Variants in SGCZ observed in about 807,000 individuals in gnomAD.
SGCZ encodes zeta-sarcoglycan.
A neutral mutation model predicts 41.3 loss-of-function variants in SGCZ; 40 were observed. That is an observed-to-expected ratio of 0.97 (90% confidence interval 0.75 to 1.26). SGCZ has a LOEUF of 1.26. SGCZ is among the 50% of genes most tolerant of loss of function. The pLI is 0.00. For missense variants in SGCZ, 552 were observed against 369.8 expected, an observed-to-expected ratio of 1.49 and a Z score of -4.04; for synonymous variants, 206 against 137.5, an observed-to-expected ratio of 1.50 and a Z score of -3.49.
chr8:15,160,370 G>A (rs904432265), intron 1 of SGCZ, among the ~76,000 whole-genome samples: 3 of 152,142 alleles, frequency 2.0e-5, no homozygotes, highest in African/African-American at 7.2e-5. Flanking sequence ...CTACTCCGCT[G>A]TGTTTATCGA....
intron 1 of SGCZ, among the ~76,000 whole-genome samples, chr8:14,997,774 A>T (rs954902659): frequency 3.3e-5 from 5 of 152,162 alleles, no homozygotes; most frequent in African/African-American, 1.2e-4. Flanking sequence ...AGCCTGGTCA[A>T]CTTGGTGAAA....
rs1029384690 is a variant in SGCZ, at chr8:14,521,955, G to T, written c.234+32777C>A. Among the ~76,000 whole-genome samples the T allele has an allele frequency of 7.2e-5, 11 of 152,038 alleles. No individual in the cohort carries two copies. In the South Asian group the frequency reaches 2.3e-3, roughly 31 times the overall value. On this transcript the variant is annotated intron_variant, in intron 2 of 7. Coordinates refer to ENST00000382080, the MANE Select transcript of SGCZ (RefSeq NM_139167.4). ...CTCTCTATTACTCCTTTTCTGAGAG[G>T]CTTAATCATGGATGTGTGCAGAAAT... is the stretch of plus-strand genomic sequence containing the variant.
At chr8:14,661,430 T>A (rs2117483878) in intron 1 of SGCZ, among the ~76,000 whole-genome samples, 1 of 152,298 alleles carries the variant, frequency 6.6e-6, no homozygotes, top group East Asian at 1.9e-4. Flanking sequence ...AATTAAAATG[T>A]AACTTAAGGT....
At chr8:14,735,110 C>T (rs1387777120) in intron 1 of SGCZ, among the ~76,000 whole-genome samples, 1 of 152,120 alleles carries the variant, frequency 6.6e-6, no homozygotes, top group African/African-American at 2.4e-5. Flanking sequence ...GACGGTAGCA[C>T]ATAAAATTTT....
chr8:14,371,325 C>T (rs1585417223), intron 2 of SGCZ, among the ~76,000 whole-genome samples: 1 of 151,956 alleles, frequency 6.6e-6, no homozygotes, highest in Admixed American at 6.6e-5. Flanking sequence ...TTTGTGTATG[C>T]AAGCCAGTTC....
At chr8:14,219,806 C>T (rs887778741) in intron 4 of SGCZ, among the ~76,000 whole-genome samples, 2 of 151,576 alleles carry the variant, frequency 1.3e-5, no homozygotes, top group Admixed American at 6.6e-5. Flanking sequence ...ACCATATTCA[C>T]CTGACCTCTT....
rs1396245510 is a variant in SGCZ, at chr8:14,088,930, A to G, written c.*1513T>C. ...CATTAATCCCCAAAAGGAAGTTTCA[A>G]CACAAATGTTGATAGTGTGCATGAG... On this transcript the variant is annotated 3_prime_UTR_variant, in exon 8 of 8. Transcript: ENST00000382080. Among the ~76,000 whole-genome samples the G allele has an allele frequency of 1.3e-5, 2 of 151,958 alleles. No homozygotes were observed. Among genetic ancestry groups the G allele is most frequent in the Admixed American group, 6.6e-5 (1 of 15,226 alleles).
intron 1 of SGCZ, among the ~76,000 whole-genome samples, chr8:15,202,297 T>C (rs1334586649): frequency 2.0e-5 from 3 of 152,134 alleles, no homozygotes; most frequent in African/African-American, 4.8e-5. Flanking sequence ...AATAAAGAAA[T>C]GTGACAGAAT....
chr8:14,525,898 G>A (rs1349131465), intron 2 of SGCZ, among the ~76,000 whole-genome samples: 1 of 151,786 alleles, frequency 6.6e-6, no homozygotes. Context: ...ACGATGCAGA[G>A]TATTTTACTT....
intron 1 of SGCZ, among the ~76,000 whole-genome samples, chr8:15,057,932 G>A (rs1563474407): frequency 6.6e-6 from 1 of 152,158 alleles, no homozygotes; most frequent in Non-Finnish European, 1.5e-5. Flanking sequence ...TCTAGGTGGT[G>A]AAGATACTCT....
In SGCZ at chr8:14,807,379, A is replaced by C. The variant is rs535528312; in HGVS notation, c.40-252453T>G. On this transcript the variant is annotated intron_variant, in intron 1 of 7. Coordinates refer to ENST00000382080, the MANE Select transcript of SGCZ (RefSeq NM_139167.4). ...CTTAAGCTGATAAGCAACTTCAGCA[A>C]AGTCTCAGGACACAAAATCAATGAG... 8.3e-3 allele frequency among the ~76,000 whole-genome samples: 1,269 copies of C among 152,294 alleles called. 27 individuals are homozygous for C. Among genetic ancestry groups the C allele is most frequent in the African/African-American group, 0.029 (1,186 of 41,544 alleles).
chr8:14,576,498 C>G (rs7831506), intron 1 of SGCZ, among the ~76,000 whole-genome samples: 93,117 of 151,984 alleles, frequency 0.61, 30,375 homozygotes, highest in Non-Finnish European at 0.73. Flanking sequence ...TGAAATGAAA[C>G]ATTTTCTATT....
At chr8:15,075,732 C>T (rs1805505908) in intron 1 of SGCZ, among the ~76,000 whole-genome samples, 2 of 152,096 alleles carry the variant, frequency 1.3e-5, no homozygotes, top group Admixed American at 6.6e-5. Flanking sequence ...CACAAAATGC[C>T]TTTAGTATTA....
At chr8:14,118,225 C>T (rs1178166582) in intron 5 of SGCZ, among the ~76,000 whole-genome samples, 1 of 152,116 alleles carries the variant, frequency 6.6e-6, no homozygotes, top group Non-Finnish European at 1.5e-5. Context: ...TCCTATTTCT[C>T]CACATTCTCT....
chr8:15,109,851 T>C (rs184551172), intron 1 of SGCZ, among the ~76,000 whole-genome samples: 138 of 152,306 alleles, frequency 9.1e-4, no homozygotes, highest in Middle Eastern at 3.4e-3. Flanking sequence ...AGCATTATCA[T>C]TTATATGCTA....
intron 3 of SGCZ, among the ~76,000 whole-genome samples, chr8:14,254,083 A>G (rs1194213631): frequency 1.3e-5 from 2 of 152,178 alleles, no homozygotes; most frequent in Non-Finnish European, 2.9e-5. Flanking sequence ...TAAATTGGGC[A>G]CTAAAATCCA....
chr8:14,239,365 T>C lies in SGCZ; in HGVS notation c.337-1686A>G, dbSNP rs141266577. Among the ~76,000 whole-genome samples, 9 of 152,202 alleles carry C rather than the reference T, an allele frequency of 5.9e-5. No homozygotes were observed. The East Asian group carries it at 1.7e-3, about 29-fold the overall frequency. On this transcript the variant is annotated intron_variant, in intron 3 of 7. Transcript: ENST00000382080. Reference sequence around the variant, plus strand: ...AATTAAACACATTTGAATATTTGAATGTAAGAAACAGGAAAAGTCTATGAA... The same window carrying C: ...AATTAAACACATTTGAATATTTGAACGTAAGAAACAGGAAAAGTCTATGAA...
intron 1 of SGCZ, among the ~76,000 whole-genome samples, chr8:14,986,362 C>A (rs773333695): frequency 4.0e-4 from 61 of 152,106 alleles, no homozygotes; most frequent in Non-Finnish European, 4.4e-4. Flanking sequence ...CACAAAATAT[C>A]TCTAAAAACC....
chr8:14,144,600 G>A (rs1164166354), intron 5 of SGCZ, among the ~76,000 whole-genome samples: 3 of 152,180 alleles, frequency 2.0e-5, no homozygotes, highest in African/African-American at 7.2e-5. Context: ...AAAGCAGAGG[G>A]AAAAGTAAAA....
Sources: gnomAD v4.1 joint callset for allele counts (sites outside exome capture counted in the v4.1 genomes callset) on GRCh38, gnomAD v4.1.1 for gene constraint, MANE v1.5 for transcripts, NCBI Gene and HGNC (gene_info 2026-07-23, HGNC 2026-07-21) for gene names.